Variants in ANK3 observed in about 807,000 individuals in gnomAD.
The protein encoded by ANK3 is ankyrin-3.
ANK3 carries 57 observed loss-of-function variants against 370.9 expected under a neutral mutation model. That is an observed-to-expected ratio of 0.15 (90% CI 0.12 to 0.19). ANK3 has a LOEUF of 0.19. Ranked by LOEUF, ANK3 falls within the 10% of genes least tolerant of loss-of-function variation. The pLI is 1.00. For missense variants in ANK3, 4,439 were observed against 5,302.1 expected (o/e 0.84, Z 5.06); for synonymous variants, 1,929 against 1,946.3 (o/e 0.99, Z 0.23).
At chr10:60,539,507 A>G (rs2076798034) in intron 2 of ANK3, among the ~76,000 whole-genome samples, 1 of 151,958 alleles carries the variant, frequency 6.6e-6, no homozygotes, top group African/African-American at 2.4e-5. Flanking sequence ...CAGTTAATAT[A>G]TCTACCAAAG....
chr10:60,061,065 C>T lies in ANK3; in HGVS notation c.12596-1635G>A, dbSNP rs185944866. 1.8e-3 allele frequency among the ~76,000 whole-genome samples: 272 copies of T among 152,250 alleles called. No individual in the cohort carries two copies. In the Middle Eastern group the frequency reaches 0.02, roughly 11 times the overall value. ...GAGAGACAGGAAAAAAGCAACAAAC[C>T]ACAGTTTCTGAATTGTTGGTCTACA... On this transcript the variant is annotated intron_variant, in intron 40 of 43. Coordinates refer to ENST00000280772, the MANE Select transcript of ANK3 (RefSeq NM_020987.5).
chr10:60,514,327 A>C (rs2076163619), intron 2 of ANK3, among the ~76,000 whole-genome samples: 1 of 152,106 alleles, frequency 6.6e-6, no homozygotes, highest in Non-Finnish European at 1.5e-5. Flanking sequence ...ATAAAATAAA[A>C]ATTCCAAAAA....
intron 23 of ANK3, among the ~76,000 whole-genome samples, chr10:60,153,191 A>T (rs1259519542): frequency 6.6e-6 from 1 of 152,234 alleles, no homozygotes; most frequent in African/African-American, 2.4e-5. Context: ...TAAAAGCCTA[A>T]CTATAAGCTT....
intron 1 of ANK3, among the ~76,000 whole-genome samples, chr10:60,299,262 TTC>T (rs2043188506): frequency 6.6e-6 from 1 of 152,178 alleles, no homozygotes; most frequent in Non-Finnish European, 1.5e-5. Context: ...GCAAAAAATA[TTC>T]TGTCTTTAAG....
rs375702510 is a variant in ANK3 at position 60,583,136 on chromosome 10, A to G, written c.96+32050T>C. On this transcript the variant is annotated intron_variant, in intron 2 of 43. Coordinates refer to the ANK3 transcript ENST00000373827. ...AGTATCTATCAGCAGATAAATGGAT[A>G]AACTGTGGTACATATGCACAATGGA... 2.6e-3 allele frequency among the ~76,000 whole-genome samples: 389 copies of G among 152,330 alleles called. 3 individuals carry two copies. The highest frequency in any genetic ancestry group is 8.9e-3 in the African/African-American group (368 of 41,578).
chr10:60,457,834 A>G (rs2064785893), intron 2 of ANK3, among the ~76,000 whole-genome samples: 1 of 151,960 alleles, frequency 6.6e-6, no homozygotes, highest in Non-Finnish European at 1.5e-5. Context: ...CCTGCCAGAA[A>G]CCATTTAAGT....
At chr10:60,650,734 T>A (rs1365486240) in intron 1 of ANK3, among the ~76,000 whole-genome samples, 2 of 152,178 alleles carry the variant, frequency 1.3e-5, no homozygotes, top group African/African-American at 4.8e-5. Flanking sequence ...CACAACTTTG[T>A]TATTCTCCAC....
chr10:60,595,597 G>A (rs1311718757), intron 2 of ANK3, among the ~76,000 whole-genome samples: 3 of 152,128 alleles, frequency 2.0e-5, no homozygotes, highest in Non-Finnish European at 4.4e-5. Context: ...AAATCTTGCG[G>A]TCTCTGGCTG....
intron 2 of ANK3, among the ~76,000 whole-genome samples, chr10:60,476,163 A>T (rs2075058642): frequency 6.6e-6 from 1 of 152,200 alleles, no homozygotes; most frequent in South Asian, 2.1e-4. Context: ...TAAAATAACA[A>T]ATAAAGTATT....
At chr10:60,141,729 A>T (rs2094579075) in intron 23 of ANK3, among the ~76,000 whole-genome samples, 1 of 151,658 alleles carries the variant, frequency 6.6e-6, no homozygotes, top group South Asian at 2.1e-4. Flanking sequence ...AATATACAGG[A>T]ATCTGAATCT....
intron 18 of ANK3, among the ~76,000 whole-genome samples, chr10:60,173,499 G>C (rs2095848151): frequency 6.6e-6 from 1 of 152,188 alleles, no homozygotes; most frequent in African/African-American, 2.4e-5. Context: ...AACTGATTCA[G>C]TGGCTTCTTA....
chr10:60,325,917 G>A (rs2049745498), intron 1 of ANK3, among the ~76,000 whole-genome samples: 1 of 152,070 alleles, frequency 6.6e-6, no homozygotes, highest in Non-Finnish European at 1.5e-5. Context: ...AAGAAAATGT[G>A]GTACATATAC....
chr10:60,592,534 T>C (rs1595331644), intron 2 of ANK3, among the ~76,000 whole-genome samples: 1 of 152,058 alleles, frequency 6.6e-6, no homozygotes, highest in Non-Finnish European at 1.5e-5. Flanking sequence ...CCAAGGCGGG[T>C]GGATCACCTG....
At chr10:60,567,613 C>A (rs1038907465) in intron 2 of ANK3, among the ~76,000 whole-genome samples, 4 of 152,108 alleles carry the variant, frequency 2.6e-5, no homozygotes, top group African/African-American at 9.7e-5. Context: ...GTAATTTCAA[C>A]TTTTGTGTCT....
At chr10:60,623,185 A>T (rs535918909) in intron 1 of ANK3, among the ~76,000 whole-genome samples, 1 of 152,286 alleles carries the variant, frequency 6.6e-6, no homozygotes, top group African/African-American at 2.4e-5. Context: ...TACAGGAAAT[A>T]TGAAGAGGAA....
chr10:60,457,785 C>T (rs944627071), intron 2 of ANK3, among the ~76,000 whole-genome samples: 2 of 152,044 alleles, frequency 1.3e-5, no homozygotes, highest in African/African-American at 4.8e-5. Context: ...TTCATGTCTG[C>T]CTTATCCTTG....
chr10:60,173,029 T>C (rs1160307465), intron 19 of ANK3, 31 bp from the exon 20 acceptor site: 2 of 1,609,094 alleles, frequency 1.2e-6, no homozygotes, highest in East Asian at 4.5e-5. Context: ...AGATGATTCT[T>C]AATTCCTTTG....
Position 60,195,843 on chromosome 10 carries a change from T to G in ANK3, c.1887+302A>C, listed in dbSNP as rs79583530. Reference sequence around the variant, plus strand: ...TCATAATTCTGACAAATCAGAACTTTCTTACTTCCTCAGGCTGTGCTTATG... The same window carrying G: ...TCATAATTCTGACAAATCAGAACTTGCTTACTTCCTCAGGCTGTGCTTATG... On this transcript the variant is annotated intron_variant, in intron 16 of 43. Transcript: ENST00000280772. 3.9e-3 allele frequency among the ~76,000 whole-genome samples: 589 copies of G among 152,356 alleles called. 4 individuals carry two copies. The highest frequency in any genetic ancestry group is 0.014 in the African/African-American group (567 of 41,570).
intron 1 of ANK3, among the ~76,000 whole-genome samples, chr10:60,660,934 A>ACACACACACACACCCC (rs373156861): frequency 2.0e-5 from 3 of 151,854 alleles, no homozygotes; most frequent in Non-Finnish European, 2.9e-5. Context: ...ACACACACAC[A>ACACACACACACACCCC]CCCCACATCT....
Sources: allele counts gnomAD v4.1 joint callset (sites outside exome capture counted in the v4.1 genomes callset), GRCh38; gene constraint gnomAD v4.1.1; transcripts MANE v1.5; gene names NCBI Gene and HGNC (gene_info 2026-07-23, HGNC 2026-07-21).